The following DCC variants were observed in gnomAD, a reference collection of about 807,000 sequenced individuals.
DCC encodes DCC netrin 1 receptor.
A neutral mutation model predicts 172.5 loss-of-function variants in DCC; 58 were observed. The observed-to-expected ratio is 0.34, with a 90% CI of 0.27 to 0.42. DCC has a LOEUF of 0.42. Ranked by LOEUF, DCC falls within the 10% of genes least tolerant of loss-of-function variation. The probability of loss-of-function intolerance (pLI) is 1.00; values close to 1 mark genes in which losing one functional copy is unlikely to be tolerated. For missense variants in DCC, 1,740 were observed against 1,791.0 expected, an observed-to-expected ratio of 0.97 and a Z score of 0.51; for synonymous variants, 709 against 644.5, an observed-to-expected ratio of 1.10 and a Z score of -1.52.
chr18:52,611,463 G>T (rs1175440551), intron 1 of DCC, among the ~76,000 whole-genome samples: 1 of 152,092 alleles, frequency 6.6e-6, no homozygotes, highest in Admixed American at 6.6e-5. Flanking sequence ...TAATTTTTCA[G>T]TTGCCCCTTG....
At chr18:53,372,092 C>A (rs1335176734) in intron 15 of DCC, among the ~76,000 whole-genome samples, 1 of 152,122 alleles carries the variant, frequency 6.6e-6, no homozygotes, top group South Asian at 2.1e-4. Context: ...TACCATTTGA[C>A]TGAGCAATCC....
chr18:52,490,367 C>T (rs1417292576), intron 1 of DCC, among the ~76,000 whole-genome samples: 1 of 152,054 alleles, frequency 6.6e-6, no homozygotes, highest in East Asian at 1.9e-4. Flanking sequence ...TTCTTATTCA[C>T]TTGTTTTCCT....
At chr18:53,024,137 T>A (rs2041923589) in intron 5 of DCC, among the ~76,000 whole-genome samples, 1 of 152,152 alleles carries the variant, frequency 6.6e-6, no homozygotes, top group African/African-American at 2.4e-5. Context: ...GAGCAAAATG[T>A]ATCCTATTTG....
At chr18:53,019,150 G>A (rs2041846460) in intron 5 of DCC, among the ~76,000 whole-genome samples, 1 of 152,128 alleles carries the variant, frequency 6.6e-6, no homozygotes, top group South Asian at 2.1e-4. Flanking sequence ...AGATAGCTGA[G>A]AGCTTTCACG....
chr18:53,349,436 T>G (rs577645327), intron 15 of DCC, among the ~76,000 whole-genome samples: 1 of 152,314 alleles, frequency 6.6e-6, no homozygotes, highest in South Asian at 2.1e-4. Flanking sequence ...CCACACTGTT[T>G]CAACCTCTGC....
intron 12 of DCC, among the ~76,000 whole-genome samples, chr18:53,250,382 A>ATTG (rs3059143): frequency 0.42 from 64,148 of 151,272 alleles, 14,080 homozygotes; most frequent in East Asian, 0.61. Flanking sequence ...TGCACCCTGA[A>ATTG]TTGTGCTTGG....
chr18:53,203,292 AGT>A (rs2055573274), intron 9 of DCC, among the ~76,000 whole-genome samples: 1 of 151,716 alleles, frequency 6.6e-6, no homozygotes, highest in Non-Finnish European at 1.5e-5. Flanking sequence ...TATATTTCAA[AGT>A]GTTGACAATA....
At chr18:53,129,496 C>T (rs1319466972) in intron 7 of DCC, among the ~76,000 whole-genome samples, 1 of 152,132 alleles carries the variant, frequency 6.6e-6, no homozygotes, top group Non-Finnish European at 1.5e-5. Context: ...CCCTCTCCCT[C>T]ATATACACAT....
chr18:53,246,992 G>A (rs151250862), intron 12 of DCC, among the ~76,000 whole-genome samples: 3,241 of 152,106 alleles, frequency 0.021, 44 homozygotes, highest in Middle Eastern at 0.034. Flanking sequence ...GAACTTGAGT[G>A]TTCTAAGTAA....
At chr18:52,890,098 A>G (rs2039626502) in intron 2 of DCC, among the ~76,000 whole-genome samples, 1 of 152,150 alleles carries the variant, frequency 6.6e-6, no homozygotes, top group Non-Finnish European at 1.5e-5. Flanking sequence ...ACTAAGATCT[A>G]TGCAATATCA....
At chr18:52,626,339 A>C (rs1475942434) in intron 1 of DCC, among the ~76,000 whole-genome samples, 1 of 152,070 alleles carries the variant, frequency 6.6e-6, no homozygotes, top group Non-Finnish European at 1.5e-5. Context: ...TCCCAGCCCT[A>C]CTTCCAAAAT....
chr18:52,740,381 C>T (rs1044835431), intron 1 of DCC, among the ~76,000 whole-genome samples: 4 of 152,132 alleles, frequency 2.6e-5, no homozygotes, highest in African/African-American at 7.2e-5. Flanking sequence ...AAAAATATCA[C>T]CTTTCTATTG....
chr18:52,623,334 T>G (rs2034515351), intron 1 of DCC, among the ~76,000 whole-genome samples: 1 of 152,204 alleles, frequency 6.6e-6, no homozygotes, highest in Non-Finnish European at 1.5e-5. Context: ...AATGGCACCA[T>G]TCTTTCATCA....
At position 53,354,319 on chromosome 18, in the gene DCC, A is replaced by G. The variant is rs191421446; in HGVS notation, c.2359+14412A>G. Among the ~76,000 whole-genome samples, 79 of 152,260 alleles carry G rather than the reference A, an allele frequency of 5.2e-4. 1 individual carries two copies. The East Asian group carries it at 0.013, about 25-fold the overall frequency. On this transcript the variant is annotated intron_variant, in intron 15 of 28. Coordinates refer to ENST00000442544, the MANE Select transcript of DCC (RefSeq NM_005215.4). The stretch of plus-strand genomic sequence containing the variant: ...AGTCAAATGGTATTTCTAGTTCTAG[A>G]TCCCTGAGGAATCGCCACACTGTCT...
intron 12 of DCC, among the ~76,000 whole-genome samples, chr18:53,241,041 C>T (rs982406197): frequency 7.2e-5 from 11 of 152,000 alleles, no homozygotes; most frequent in Non-Finnish European, 1.5e-4. Context: ...TCTTGGTAAC[C>T]GAGATCTTTG....
chr18:53,024,351 T>G (rs144622979), intron 5 of DCC, among the ~76,000 whole-genome samples: 54 of 152,264 alleles, frequency 3.5e-4, no homozygotes, highest in African/African-American at 1.2e-3. Flanking sequence ...AATTCTTCAC[T>G]AAGGACTTTT....
At chr18:53,195,930 T>A (rs938676219) in intron 9 of DCC, among the ~76,000 whole-genome samples, 1 of 152,190 alleles carries the variant, frequency 6.6e-6, no homozygotes, top group Non-Finnish European at 1.5e-5. Flanking sequence ...CCTAAGTTCC[T>A]TGAAAATTTC....
At chr18:53,168,059 A>G (rs1435914505) in intron 8 of DCC, among the ~76,000 whole-genome samples, 14 of 152,186 alleles carry the variant, frequency 9.2e-5, no homozygotes, top group Non-Finnish European at 1.5e-5. Context: ...AAAAGTCAGG[A>G]AACAACAGAT....
intron 7 of DCC, among the ~76,000 whole-genome samples, chr18:53,094,173 C>T (rs1225673118): frequency 3.9e-5 from 6 of 152,046 alleles, no homozygotes; most frequent in Non-Finnish European, 8.8e-5. Context: ...AGTATTTAAG[C>T]TTTTAGGATC....
Sources: allele counts gnomAD v4.1 joint callset (sites outside exome capture counted in the v4.1 genomes callset), GRCh38; gene constraint gnomAD v4.1.1; transcripts MANE v1.5; gene names NCBI Gene and HGNC (gene_info 2026-07-23, HGNC 2026-07-21).